VDAC1: variants seen among roughly 807,000 people sequenced by gnomAD.
VDAC1 encodes the protein voltage dependent anion channel 1.
VDAC1 carries 10 observed loss-of-function variants against 34.7 expected under a neutral mutation model. The ratio of observed to expected loss-of-function variants is 0.29; its 90% CI spans 0.18 to 0.49. The LOEUF is 0.49. VDAC1 is among the 20% of genes least tolerant of loss of function. VDAC1 has a pLI of 0.99. For synonymous variants in VDAC1, 130 were observed against 136.0 expected (o/e 0.96, Z 0.30); for missense variants, 230 against 347.9 (o/e 0.66, Z 2.69).
At chr5:134,110,707 C>G in the VDAC1 span, among the ~76,000 whole-genome samples, 1 of 152,218 alleles carries the variant, frequency 6.6e-6, no homozygotes, top group Admixed American at 6.5e-5. Context: ...CAGGAAGAGA[C>G]GCCGCTCACA....
the VDAC1 span, among the ~76,000 whole-genome samples, chr5:134,089,115 G>A: frequency 6.6e-6 from 1 of 152,216 alleles, no homozygotes; most frequent in African/African-American, 2.4e-5. Context: ...CAGGCTCTAG[G>A]GCTTTGCCTG....
At chr5:134,104,762 CAA>C in the VDAC1 span, among the ~76,000 whole-genome samples, 1 of 152,210 alleles carries the variant, frequency 6.6e-6, no homozygotes, top group African/African-American at 2.4e-5. Flanking sequence ...GAGCAGTGAA[CAA>C]AGACTAAAAA....
chr5:133,988,218 CAGG>C (rs1397526645), intron 5 of VDAC1, among the ~76,000 whole-genome samples: 1 of 151,990 alleles, frequency 6.6e-6, no homozygotes, highest in African/African-American at 2.4e-5. Flanking sequence ...GTGAAGAACA[CAGG>C]AGAACTCTGC....
At chr5:134,004,275 G>A (rs965977516) in intron 1 of VDAC1, among the ~76,000 whole-genome samples, 4 of 151,992 alleles carry the variant, frequency 2.6e-5, no homozygotes, top group Non-Finnish European at 1.5e-5. Flanking sequence ...GATGCACGCT[G>A]GTGGGATCCA....
chr5:133,980,559 AAAG>A (rs1752649361), intron 6 of VDAC1, among the ~76,000 whole-genome samples, 167 bp downstream of exon 6: 1 of 152,006 alleles, frequency 6.6e-6, no homozygotes, highest in South Asian at 2.1e-4. Context: ...GTGGGAAACA[AAAG>A]ATAGCAGCAG....
At chr5:134,053,466 C>T in the VDAC1 span, among the ~76,000 whole-genome samples, 5 of 152,332 alleles carry the variant, frequency 3.3e-5, no homozygotes, top group East Asian at 3.9e-4. Flanking sequence ...TCCTGTGAGC[C>T]GTGCCAGGGG....
Position 133,972,577 on chromosome 5 carries a change from G to T in VDAC1, c.*194C>A. On this transcript the variant is annotated 3_prime_UTR_variant, in exon 9 of 9. Coordinates refer to ENST00000265333, the MANE Select transcript of VDAC1 (RefSeq NM_003374.3). ...TTCTCCCCGAGTCTACCACTGAAAG[G>T]ACCTTTTTTGGAAATAGGTTTCTTC... is the stretch of plus-strand genomic sequence containing the variant. 2.0e-6 allele frequency: 1 copy of T among 502,418 alleles called. No individual in the cohort carries two copies. The highest frequency in any genetic ancestry group is 4.0e-5 in the South Asian group (1 of 24,986). 31.1% of individuals were successfully genotyped at this position (502,418 alleles called of 1,614,324 possible).
intron 1 of VDAC1, among the ~76,000 whole-genome samples, chr5:133,997,534 C>T (rs1236049638): frequency 6.8e-6 from 1 of 146,420 alleles, no homozygotes; most frequent in African/African-American, 2.6e-5. Flanking sequence ...CCCGTCTCTA[C>T]TAAAAATAAA....
the VDAC1 span, among the ~76,000 whole-genome samples, chr5:134,021,059 TC>T: frequency 6.6e-6 from 1 of 150,662 alleles, no homozygotes; most frequent in Non-Finnish European, 1.5e-5. Context: ...TCCCAGCTAC[TC>T]GGGAAGCTGA....
the VDAC1 span, among the ~76,000 whole-genome samples, chr5:134,077,040 A>G: frequency 6.6e-6 from 1 of 152,212 alleles, no homozygotes; most frequent in Admixed American, 6.5e-5. Flanking sequence ...GCACTTTGGG[A>G]GGCCGAGGCG....
At chr5:134,019,188 A>G in the VDAC1 span, among the ~76,000 whole-genome samples, 1 of 152,190 alleles carries the variant, frequency 6.6e-6, no homozygotes, top group South Asian at 2.1e-4. Context: ...CAAGCAAACA[A>G]AAAAAAACCC....
the VDAC1 span, among the ~76,000 whole-genome samples, chr5:134,075,563 GTTTT>G: frequency 1.3e-5 from 2 of 152,038 alleles, no homozygotes; most frequent in African/African-American, 4.8e-5. Flanking sequence ...CACGATACTG[GTTTT>G]TTGTTTGTTT....
the VDAC1 span, among the ~76,000 whole-genome samples, chr5:134,055,923 C>T: frequency 2.3e-3 from 354 of 151,676 alleles, 8 homozygotes; most frequent in Admixed American, 0.022. Flanking sequence ...AGAGAACTTG[C>T]TTACCTAAAT....
the VDAC1 span, among the ~76,000 whole-genome samples, chr5:134,105,449 G>A: frequency 2.3e-4 from 35 of 152,336 alleles, no homozygotes; most frequent in African/African-American, 8.2e-4. Flanking sequence ...GTAAAATGGG[G>A]TTAAAAGACC....
the VDAC1 span, among the ~76,000 whole-genome samples, chr5:134,078,647 C>T: frequency 1.0e-4 from 12 of 118,466 alleles, no homozygotes; most frequent in East Asian, 2.8e-4. Flanking sequence ...CCTCAAGCAT[C>T]TTTTTTTTTT....
chr5:133,983,173 C>T (rs1337081529), intron 5 of VDAC1, among the ~76,000 whole-genome samples: 1 of 151,364 alleles, frequency 6.6e-6, no homozygotes, highest in Admixed American at 6.6e-5. Context: ...CACTTGAACC[C>T]GGGAGGCGGA....
chr5:133,991,033 G>A lies in VDAC1; in HGVS notation c.239C>T (p.Thr80Ile), dbSNP rs1004905585. 82 of 1,614,168 alleles carry A rather than the reference G, an allele frequency of 5.1e-5. No individual in the cohort carries two copies. Among genetic ancestry groups the A allele is most frequent in the Non-Finnish European group, 6.8e-5 (80 of 1,180,042 alleles). Residue 80 changes from threonine (T) to isoleucine (I), a missense_variant, in exon 4 of 9, where the codon ACA becomes ATA. Physicochemically the swap from Thr to Ile is moderately conservative, Grantham distance 89. Coordinates refer to ENST00000265333, the MANE Select transcript of VDAC1 (RefSeq NM_003374.3). The part of the protein sequence containing the change: ...TFTEKWNTDN[T>I]LGTEITVEDQ... ...TTCCACAGTAATCTCGGTGCCTAGT[G>A]TATTGTCGGTATTCCATTTCTCTGT...
At chr5:134,033,040 G>A in the VDAC1 span, among the ~76,000 whole-genome samples, 1 of 151,782 alleles carries the variant, frequency 6.6e-6, no homozygotes, top group Non-Finnish European at 1.5e-5. Context: ...GAGAGGGGAG[G>A]GGACGGGAAG....
the VDAC1 span, among the ~76,000 whole-genome samples, chr5:134,046,956 T>C: frequency 7.9e-5 from 12 of 152,288 alleles, no homozygotes; most frequent in East Asian, 1.7e-3. Flanking sequence ...GTGGCTGCAC[T>C]GTTAGAGCTT....
Sources: gnomAD v4.1 joint callset for allele counts (sites outside exome capture counted in the v4.1 genomes callset) on GRCh38, gnomAD v4.1.1 for gene constraint, MANE v1.5 for transcripts, NCBI Gene and HGNC (gene_info 2026-07-23, HGNC 2026-07-21) for gene names.